CLEC16A: variants seen among roughly 807,000 people sequenced by gnomAD.
CLEC16A encodes C-type lectin domain containing 16A.
Under a neutral mutation model 109.5 loss-of-function variants are expected in CLEC16A, and 51 were observed. That is an observed-to-expected ratio of 0.47 (90% CI 0.37 to 0.59). The LOEUF (loss-of-function observed/expected upper bound fraction) is 0.59, where lower values mean the gene tolerates loss of function less well. Ranked by LOEUF, CLEC16A falls within the 20% of genes least tolerant of loss-of-function variation. The pLI is 0.00. For synonymous variants in CLEC16A, 673 were observed against 564.2 expected (o/e 1.19, Z -2.73); for missense variants, 1,339 against 1,394.0 (o/e 0.96, Z 0.63).
intron 11 of CLEC16A, among the ~76,000 whole-genome samples, chr16:11,010,284 A>G (rs575840861): frequency 2.0e-5 from 3 of 151,774 alleles, no homozygotes; most frequent in Admixed American, 2.0e-4. Flanking sequence ...TTTCATAAAC[A>G]TGAATCTCCC....
intron 19 of CLEC16A, among the ~76,000 whole-genome samples, chr16:11,064,760 G>C (rs2048673230): frequency 6.6e-6 from 1 of 152,192 alleles, no homozygotes; most frequent in South Asian, 2.1e-4. Context: ...CTGGGGGACA[G>C]AGTGAGACCC....
At chr16:11,020,415 T>C (rs2046027657) in intron 12 of CLEC16A, 90 bp downstream of exon 12, 1 of 1,417,996 alleles carries the variant, frequency 7.1e-7, no homozygotes, top group African/African-American at 1.4e-5. Context: ...CAGAGCCTCT[T>C]CTGTCCCTCA....
rs149749885 is a variant in CLEC16A, at chr16:11,006,498, C to T, written c.1303+3193C>T. On this transcript the variant is annotated intron_variant, in intron 11 of 23. Transcript: ENST00000409790. ...TCTCTAGAAGCTCCTTTCATTGTCCCTAGATCCACGGACTTATCGACAGAT... is the reference window on the plus strand; with the variant it reads ...TCTCTAGAAGCTCCTTTCATTGTCCTTAGATCCACGGACTTATCGACAGAT... Among the ~76,000 whole-genome samples, 4 of 152,260 alleles carry T rather than the reference C, an allele frequency of 2.6e-5. No individual in the cohort carries two copies. The East Asian group carries it at 5.8e-4, about 22-fold the overall frequency.
At chr16:11,061,097 C>A (rs899626673) in intron 19 of CLEC16A, 75 bp downstream of exon 19, 1 of 1,463,892 alleles carries the variant, frequency 6.8e-7, no homozygotes, top group African/African-American at 1.4e-5. Context: ...CTGATTCACA[C>A]GCCACTGGGA....
chr16:11,164,240 C>T (rs111509280), intron 22 of CLEC16A, among the ~76,000 whole-genome samples: 1 of 152,344 alleles, frequency 6.6e-6, no homozygotes, highest in East Asian at 1.9e-4. Context: ...CCGCCTCACT[C>T]GGAGACTCAC....
At chr16:10,983,300 C>T (rs188000653) in intron 10 of CLEC16A, among the ~76,000 whole-genome samples, 5 of 152,332 alleles carry the variant, frequency 3.3e-5, no homozygotes, top group Admixed American at 3.3e-4. Flanking sequence ...ATCAGAGGAA[C>T]TAATGTCTAC....
intron 11 of CLEC16A, among the ~76,000 whole-genome samples, chr16:11,017,738 G>C (rs1263172813): frequency 6.6e-6 from 1 of 152,134 alleles, no homozygotes; most frequent in Non-Finnish European, 1.5e-5. Context: ...CTCAAAACCT[G>C]TAACCCCAGT....
intron 18 of CLEC16A, among the ~76,000 whole-genome samples, chr16:11,055,475 TAAGTG>T (rs1029723107): frequency 1.3e-5 from 2 of 151,018 alleles, no homozygotes; most frequent in Non-Finnish European, 2.9e-5. Flanking sequence ...GGAGCATAGT[TAAGTG>T]AGGGAGGGGC....
chr16:11,153,119 G>A (rs1174584036), intron 22 of CLEC16A, among the ~76,000 whole-genome samples: 1 of 152,168 alleles, frequency 6.6e-6, no homozygotes, highest in African/African-American at 2.4e-5. Context: ...GAGAAAGGAT[G>A]TTCAATATTT....
At chr16:11,015,096 T>A (rs1305056535) in intron 11 of CLEC16A, among the ~76,000 whole-genome samples, 1 of 152,198 alleles carries the variant, frequency 6.6e-6, no homozygotes, top group Non-Finnish European at 1.5e-5. Flanking sequence ...CTATAAGGGT[T>A]GTTTGGATAA....
At chr16:11,121,144 T>A (rs1054707481) in intron 20 of CLEC16A, among the ~76,000 whole-genome samples, 23 of 152,230 alleles carry the variant, frequency 1.5e-4, no homozygotes, top group African/African-American at 5.3e-4. Context: ...TGATATCACA[T>A]TGAATATGTT....
At chr16:11,155,026 G>A (rs962561673) in intron 22 of CLEC16A, among the ~76,000 whole-genome samples, 6 of 152,116 alleles carry the variant, frequency 3.9e-5, no homozygotes, top group African/African-American at 1.4e-4. Context: ...GGGAGGCTGA[G>A]GTGGGAGGAT....
At chr16:11,011,463 A>G (rs1387351267) in intron 11 of CLEC16A, among the ~76,000 whole-genome samples, 3 of 152,174 alleles carry the variant, frequency 2.0e-5, no homozygotes, top group Non-Finnish European at 2.9e-5. Flanking sequence ...AACCCTTTCA[A>G]GCTGGCTGTC....
In CLEC16A at chr16:11,067,196, T is replaced by G. The variant is rs8046792; in HGVS notation, c.2116+6174T>G. Among the ~76,000 whole-genome samples the G allele has an allele frequency of 1.9e-3, 283 of 146,476 alleles. 1 individual carries two copies. The highest frequency in any genetic ancestry group is 3.5e-3 in the Middle Eastern group (1 of 288). Reference sequence around the variant, plus strand: ...TTTTTTTTGTTTGTTTTTGTTTTTTTTTTTTTTTTTTTTTAAAAAAAGCAA... The same window carrying G: ...TTTTTTTTGTTTGTTTTTGTTTTTTGTTTTTTTTTTTTTTAAAAAAAGCAA... On this transcript the variant is annotated intron_variant, in intron 19 of 23. Coordinates refer to ENST00000409790, the MANE Select transcript of CLEC16A (RefSeq NM_015226.3).
chr16:10,982,961 T>G lies in CLEC16A; in HGVS notation c.1041T>G (p.Ala347=). The change falls in exon 10 of 24, where the codon GCT becomes GCG. Residue 347 remains alanine, a synonymous_variant. Transcript: ENST00000409790. ...ATGGTGATCTGTCTGAGATGTACGC[T>G]AAGACTGAACAGGATATTCAGAGAA... ...ILNGDLSEMY[A]KTEQDIQRSS... is the part of the protein sequence containing the mutation. 6.2e-7 allele frequency: 1 copy of G among 1,610,862 alleles called. No homozygotes were observed. The highest frequency in any genetic ancestry group is 8.5e-7 in the Non-Finnish European group (1 of 1,177,018).
In CLEC16A at chr16:10,984,316, T is replaced by A. The variant is rs189659303; in HGVS notation, c.1071+1325T>A. 3.3e-5 allele frequency among the ~76,000 whole-genome samples: 5 copies of A among 152,338 alleles called. No homozygotes were observed. In the East Asian group the frequency reaches 9.6e-4, roughly 29 times the overall value. On this transcript the variant is annotated intron_variant, in intron 10 of 23. Coordinates refer to ENST00000409790, the MANE Select transcript of CLEC16A (RefSeq NM_015226.3). ...TCTGAAAAGCTTCCCAGAAACTCTG[T>A]CCTTGTTAGTGGTGGTGGCATTAGT... is the stretch of plus-strand genomic sequence containing the variant.
At chr16:11,063,232 A>G (rs1234932326) in intron 19 of CLEC16A, among the ~76,000 whole-genome samples, 2 of 151,262 alleles carry the variant, frequency 1.3e-5, no homozygotes, top group Non-Finnish European at 2.9e-5. Context: ...GTACTAGGAT[A>G]AGATATGCCT....
intron 10 of CLEC16A, 25 bp from the exon 11 acceptor site, chr16:11,003,049 T>C: frequency 6.3e-7 from 1 of 1,575,886 alleles, no homozygotes; most frequent in African/African-American, 1.4e-5. Flanking sequence ...CAAATTCACC[T>C]GTTGCCTTCG....
chr16:11,156,369 C>CAAAA (rs1284066021), intron 22 of CLEC16A, among the ~76,000 whole-genome samples: 4 of 53,690 alleles, frequency 7.5e-5, no homozygotes, highest in Non-Finnish European at 7.7e-5. Context: ...GACTCCATCT[C>CAAAA]AAAAAAAAAA....
Sources: gnomAD v4.1 joint callset for allele counts (sites outside exome capture counted in the v4.1 genomes callset) on GRCh38, gnomAD v4.1.1 for gene constraint, MANE v1.5 for transcripts, NCBI Gene and HGNC (gene_info 2026-07-23, HGNC 2026-07-21) for gene names.